Variants in EXT2 observed in about 807,000 individuals in gnomAD.
EXT2 encodes exostosin glycosyltransferase 2, also known as exostosin-2.
In EXT2, 53 loss-of-function variants were observed where a neutral mutation model predicts 81.6. The ratio of observed to expected loss-of-function variants is 0.65; its 90% CI spans 0.52 to 0.82. EXT2 has a LOEUF of 0.82. Among genes scored for constraint, EXT2 ranks in the 40% least tolerant of loss-of-function variants. EXT2 has a pLI of 0.00. For synonymous variants in EXT2, 320 were observed against 340.0 expected, an observed-to-expected ratio of 0.94 and a Z score of 0.65; for missense variants, 774 against 910.2, an observed-to-expected ratio of 0.85 and a Z score of 1.93.
At chr11:44,155,209 C>A (rs1954841431) in intron 7 of EXT2, among the ~76,000 whole-genome samples, 1 of 152,042 alleles carries the variant, frequency 6.6e-6, no homozygotes, top group South Asian at 2.1e-4. Context: ...CTAGTGTTTT[C>A]TTTGAATAGT....
In EXT2 at chr11:44,247,850, C is replaced by G. The variant is rs1489146732; in HGVS notation, c.*3563C>G. ...GCACCATGCCAGGAGGAAACTAGAG[C>G]GTCTTTATCACTGAAAGATAGCACG... is the stretch of plus-strand genomic sequence containing the variant. On this transcript the variant is annotated 3_prime_UTR_variant, in exon 14 of 14. Coordinates refer to ENST00000533608, the MANE Select transcript of EXT2 (RefSeq NM_207122.2). Among the ~76,000 whole-genome samples, 1 of 152,220 alleles carries G rather than the reference C, an allele frequency of 6.6e-6. No individual in the cohort carries two copies. The highest frequency in any genetic ancestry group is 2.4e-5 in the African/African-American group (1 of 41,450).
intron 13 of EXT2, 151 bp from the exon 14 acceptor site, chr11:44,243,998 T>C: frequency 1.3e-6 from 1 of 749,920 alleles, no homozygotes; most frequent in Non-Finnish European, 2.4e-6. Flanking sequence ...GGGAGCAGAC[T>C]GTGGCTACTT....
At chr11:44,101,467 AAG>A (rs922675475) in intron 1 of EXT2, among the ~76,000 whole-genome samples, 9 of 152,218 alleles carry the variant, frequency 5.9e-5, no homozygotes, top group South Asian at 2.1e-4. Flanking sequence ...CCCCACAAAA[AAG>A]AGTTATCTGG....
At chr11:44,157,057 C>G (rs1445198989) in intron 7 of EXT2, among the ~76,000 whole-genome samples, 1 of 152,204 alleles carries the variant, frequency 6.6e-6, no homozygotes, top group Non-Finnish European at 1.5e-5. Flanking sequence ...CTCTTGTTCT[C>G]TTTTCTTACT....
At chr11:44,204,879 C>G (rs1349279532) in intron 9 of EXT2, among the ~76,000 whole-genome samples, 1 of 151,926 alleles carries the variant, frequency 6.6e-6, no homozygotes, top group African/African-American at 2.4e-5. Context: ...ATAATGTATT[C>G]ATATTTTATA....
intron 9 of EXT2, among the ~76,000 whole-genome samples, chr11:44,203,692 T>G (rs1955547329): frequency 6.6e-6 from 1 of 151,948 alleles, no homozygotes; most frequent in South Asian, 2.1e-4. Flanking sequence ...AGGGAAGAGG[T>G]GCTACTTACA....
chr11:44,222,068 T>G (rs1371818526), intron 10 of EXT2, among the ~76,000 whole-genome samples: 2 of 152,210 alleles, frequency 1.3e-5, no homozygotes, highest in Admixed American at 1.3e-4. Context: ...AATTGGTTCC[T>G]AGGGTTCACA....
chr11:44,248,593 C>A lies in EXT2; in HGVS notation c.*4306C>A, dbSNP rs77270674. ...CTTATCTTGGCAGAGGAAAGTCAGGCAGGCAAGACCCACTCTAAATTTTAA... is the reference window on the plus strand; with the variant it reads ...CTTATCTTGGCAGAGGAAAGTCAGGAAGGCAAGACCCACTCTAAATTTTAA... On this transcript the variant is annotated 3_prime_UTR_variant, in exon 14 of 14. Transcript: ENST00000533608. 6.6e-6 allele frequency among the ~76,000 whole-genome samples: 1 copy of A among 152,226 alleles called. No homozygotes were observed. The highest frequency in any genetic ancestry group is 1.5e-5 in the Non-Finnish European group (1 of 68,044).
intron 7 of EXT2, among the ~76,000 whole-genome samples, chr11:44,136,079 T>C (rs1450477683): frequency 6.6e-6 from 1 of 152,250 alleles, no homozygotes; most frequent in African/African-American, 2.4e-5. Flanking sequence ...ATGTTTGTTT[T>C]TATTTTTAAA....
intron 4 of EXT2, among the ~76,000 whole-genome samples, chr11:44,123,352 G>A (rs902074867): frequency 4.6e-5 from 7 of 152,338 alleles, no homozygotes; most frequent in African/African-American, 7.2e-5. Context: ...GCGTGGTGGC[G>A]TTGCCTGTGA....
At chr11:44,132,463 G>A (rs1432550085) in intron 7 of EXT2, among the ~76,000 whole-genome samples, 5 of 152,198 alleles carry the variant, frequency 3.3e-5, no homozygotes, top group Non-Finnish European at 7.3e-5. Context: ...GGCTCTGTCC[G>A]TTTGATTGCA....
At chr11:44,185,692 G>A (rs553657896) in intron 8 of EXT2, among the ~76,000 whole-genome samples, 2 of 152,318 alleles carry the variant, frequency 1.3e-5, no homozygotes, top group South Asian at 4.1e-4. Flanking sequence ...AAACTATACA[G>A]AAACTGTGGT....
rs11037874 is a variant in EXT2, at chr11:44,123,988, C to T, written c.744-801C>T. Among the ~76,000 whole-genome samples the T allele has an allele frequency of 9.2e-3, 1,364 of 148,576 alleles. 10 individuals are homozygous for T. The highest frequency in any genetic ancestry group is 0.014 in the Non-Finnish European group (947 of 67,368). ...GGAATTACTTCCCATCTGGTCTCTC[C>T]AAAATCTTCCCCTTGACTTCAGACT... On this transcript the variant is annotated intron_variant, in intron 4 of 13. Coordinates refer to ENST00000533608, the MANE Select transcript of EXT2 (RefSeq NM_207122.2).
intron 7 of EXT2, among the ~76,000 whole-genome samples, chr11:44,170,297 T>C (rs1428709616): frequency 6.6e-6 from 1 of 152,154 alleles, no homozygotes; most frequent in Non-Finnish European, 1.5e-5. Flanking sequence ...GAAAATGATA[T>C]GTAAATGTGC....
intron 7 of EXT2, among the ~76,000 whole-genome samples, chr11:44,152,435 C>T (rs1252093701): frequency 6.6e-6 from 1 of 152,138 alleles, no homozygotes; most frequent in African/African-American, 2.4e-5. Flanking sequence ...ACTGCAGCCT[C>T]CTCCTTCTGG....
chr11:44,171,891 A>G (rs1360342021), intron 8 of EXT2, 149 bp downstream of exon 8: 12 of 1,222,232 alleles, frequency 9.8e-6, no homozygotes, highest in Non-Finnish European at 1.4e-5. Flanking sequence ...TGATAAGGGC[A>G]GCATAATTTT....
rs566083414 is a variant in EXT2, at chr11:44,168,402, A to G, written c.1174-3209A>G. ...ATATATTTATATTTGGAGTCTCAGAAGAGGAGAGTGCAACAGAAATAATAT... is the reference window on the plus strand; with the variant it reads ...ATATATTTATATTTGGAGTCTCAGAGGAGGAGAGTGCAACAGAAATAATAT... On this transcript the variant is annotated intron_variant, in intron 7 of 13. Coordinates refer to ENST00000533608, the MANE Select transcript of EXT2 (RefSeq NM_207122.2). Among the ~76,000 whole-genome samples the G allele has an allele frequency of 9.8e-5, 15 of 152,338 alleles. No individual in the cohort carries two copies. The East Asian group carries it at 2.9e-3, about 29-fold the overall frequency.
intron 7 of EXT2, among the ~76,000 whole-genome samples, chr11:44,160,676 G>A (rs894366856): frequency 6.6e-6 from 1 of 152,174 alleles, no homozygotes; most frequent in Non-Finnish European, 1.5e-5. Context: ...ATGGATTTTG[G>A]ATGAAGAATA....
rs1954470154 is a variant in EXT2 at position 44,130,093 on chromosome 11, T to C, written c.1128T>C (p.Ile376=). The part of the protein sequence containing the change: ...PEEKMSDVYS[I]LQSIPQRQIE... ...AAAAGATGTCAGATGTGTACAGTATTTTGCAGAGCATCCCCCAAAGACAGA... is the reference window on the plus strand; with the variant it reads ...AAAAGATGTCAGATGTGTACAGTATCTTGCAGAGCATCCCCCAAAGACAGA... The change falls in exon 7 of 14, where the codon ATT becomes ATC. Residue 376 remains isoleucine, a synonymous_variant. Transcript: ENST00000533608. 5 of 1,614,120 alleles carry C rather than the reference T, an allele frequency of 3.1e-6. No homozygotes were observed. Among genetic ancestry groups the C allele is most frequent in the Middle Eastern group, 1.6e-4 (1 of 6,062 alleles).
Sources: gnomAD v4.1 joint callset for allele counts (sites outside exome capture counted in the v4.1 genomes callset) on GRCh38, gnomAD v4.1.1 for gene constraint, MANE v1.5 for transcripts, NCBI Gene and HGNC (gene_info 2026-07-23, HGNC 2026-07-21) for gene names.